The following EDAR variants were observed in gnomAD, a reference collection of about 807,000 sequenced individuals.
EDAR encodes the protein ectodysplasin A receptor, also known as tumor necrosis factor receptor superfamily member EDAR.
Under a neutral mutation model 51.3 loss-of-function variants are expected in EDAR, and 38 were observed. The ratio of observed to expected loss-of-function variants is 0.74; its 90% CI spans 0.57 to 0.97. The LOEUF is 0.97. EDAR is among the 50% of genes least tolerant of loss of function. The pLI is 0.00. For synonymous variants in EDAR, 227 were observed against 242.1 expected, an observed-to-expected ratio of 0.94 and a Z score of 0.58; for missense variants, 528 against 595.0, an observed-to-expected ratio of 0.89 and a Z score of 1.17.
intron 4 of EDAR, among the ~76,000 whole-genome samples, chr2:108,926,791 G>T (rs957124354): frequency 3.9e-5 from 6 of 152,228 alleles, no homozygotes; most frequent in African/African-American, 1.4e-4. Context: ...GCAGGGGCCT[G>T]GGCCCAGGAG....
intron 1 of EDAR, among the ~76,000 whole-genome samples, chr2:108,988,422 C>G (rs931280441): frequency 6.6e-5 from 10 of 152,116 alleles, no homozygotes; most frequent in Non-Finnish European, 1.3e-4. Flanking sequence ...AAATAGGTAC[C>G]CACTCCCCTC....
chr2:108,916,301 G>T (rs1239633123), intron 5 of EDAR, among the ~76,000 whole-genome samples: 1 of 152,184 alleles, frequency 6.6e-6, no homozygotes, highest in African/African-American at 2.4e-5. Flanking sequence ...GCCTCTTCTT[G>T]TCCCTTCCTG....
intron 1 of EDAR, among the ~76,000 whole-genome samples, chr2:108,943,874 TA>T (rs1370182689): frequency 6.6e-6 from 1 of 152,226 alleles, no homozygotes; most frequent in African/African-American, 2.4e-5. Context: ...TCTGAGCCTA[TA>T]ACCTTGCATA....
chr2:108,962,324 G>A (rs1246812062), intron 1 of EDAR, among the ~76,000 whole-genome samples: 2 of 152,166 alleles, frequency 1.3e-5, no homozygotes, highest in African/African-American at 4.8e-5. Flanking sequence ...ATGAAATGGA[G>A]GATTAAAGAG....
At chr2:108,922,127 C>T (rs1259635924) in intron 5 of EDAR, among the ~76,000 whole-genome samples, 1 of 152,348 alleles carries the variant, frequency 6.6e-6, no homozygotes, top group African/African-American at 2.4e-5. Flanking sequence ...GAAGGCTGTG[C>T]CATGTGAGAA....
At position 108,923,281 on chromosome 2, in the gene EDAR, C is replaced by T. The variant is rs954481157; in HGVS notation, c.442+87G>A. 17 of 1,312,488 alleles carry T rather than the reference C, an allele frequency of 1.3e-5. No individual in the cohort carries two copies. In the African/African-American group the frequency reaches 2.2e-4, roughly 17 times the overall value. The allele number at this position is 1,312,488 out of a possible 1,614,324, so 81.3% of individuals were successfully genotyped here. A position where few individuals can be genotyped will look rare whatever the true frequency, so the allele number is the denominator to read the frequency against. ...ACTGTGATTCACCTTGTCCAGGTGC[C>T]AGGACCGGCTCTTTCCTACACCCTC... is the stretch of plus-strand genomic sequence containing the variant. On this transcript the variant is annotated intron_variant, in intron 5 of 11. Coordinates refer to ENST00000258443, the MANE Select transcript of EDAR (RefSeq NM_022336.4).
chr2:108,907,944 G>C lies in EDAR; in HGVS notation c.879C>G (p.Asp293Glu). 1 of 1,613,708 alleles carries C rather than the reference G, an allele frequency of 6.2e-7. No homozygotes were observed. The highest frequency in any genetic ancestry group is 8.5e-7 in the Non-Finnish European group (1 of 1,180,016). ...GGCACAGCTCCGGGGAGCCCTGCTT[G>C]TCAGGGGCGGGCTCCTCATCACTGT... ...SVDSDEEPAP[D>E]KQGSPELCLL... Residue 293 changes from aspartate (D) to glutamate (E), a missense_variant, in exon 10 of 12, where the codon GAC (aspartate) becomes GAG (glutamate). By Grantham distance (45) the Asp-to-Glu change is conservative (BLOSUM62 2). Transcript: ENST00000258443.
chr2:108,972,189 A>G (rs1006556341), intron 1 of EDAR, among the ~76,000 whole-genome samples: 13 of 152,344 alleles, frequency 8.5e-5, no homozygotes, highest in African/African-American at 2.9e-4. Context: ...TACATTTGGG[A>G]GTCATTTATT....
At chr2:108,927,318 G>T (rs190364952) in intron 4 of EDAR, among the ~76,000 whole-genome samples, 1 of 152,200 alleles carries the variant, frequency 6.6e-6, no homozygotes, top group East Asian at 1.9e-4. Context: ...CAAGATTCCA[G>T]CACTGGAAAG....
chr2:108,978,531 A>G (rs1328391047), intron 1 of EDAR, among the ~76,000 whole-genome samples: 1 of 152,260 alleles, frequency 6.6e-6, no homozygotes, highest in Admixed American at 6.5e-5. Context: ...GGGAACATGC[A>G]GATCCTCCCA....
intron 1 of EDAR, among the ~76,000 whole-genome samples, chr2:108,967,281 T>A (rs1271671004): frequency 2.0e-5 from 3 of 152,198 alleles, no homozygotes; most frequent in Non-Finnish European, 4.4e-5. Context: ...AGTTGCAGGT[T>A]CATATTTCAC....
At chr2:108,977,435 A>AT (rs563244795) in intron 1 of EDAR, among the ~76,000 whole-genome samples, 2 of 151,766 alleles carry the variant, frequency 1.3e-5, no homozygotes, top group Non-Finnish European at 2.9e-5. Context: ...TGCCTGGCTA[A>AT]TTTTTTTTGT....
In EDAR at chr2:108,963,413, A is replaced by AC. The variant is rs1420966629; in HGVS notation, c.-19+25546dup. 2.0e-5 allele frequency among the ~76,000 whole-genome samples: 3 copies of AC among 152,316 alleles called. No individual in the cohort carries two copies. In the East Asian group the frequency reaches 5.8e-4, roughly 29 times the overall value. ...AGAAGATTCGAATTGTAAAAACTGC[A>AC]CAAGGACATTTAAAAAAATTGAGCT... On this transcript the variant is annotated intron_variant, in intron 1 of 11. Coordinates refer to ENST00000258443, the MANE Select transcript of EDAR (RefSeq NM_022336.4).
At position 108,895,123 on chromosome 2, in the gene EDAR, C is replaced by G. The variant is rs187935909; in HGVS notation, c.*1784G>C. The stretch of plus-strand genomic sequence containing the variant: ...GGAGTATTTAGCTTGCAGGGTAAAC[C>G]AAATAGGTTCGAAAAACAGCAGCAA... On this transcript the variant is annotated 3_prime_UTR_variant, in exon 12 of 12. Transcript: ENST00000258443. The G allele has an allele frequency of 6.6e-6, 1 of 152,626 alleles. No homozygotes were observed. Among genetic ancestry groups the G allele is most frequent in the African/African-American group, 2.4e-5 (1 of 41,506 alleles). The allele number at this position is 152,626 out of a possible 1,614,324, so 9.5% of individuals were successfully genotyped here. A position where few individuals can be genotyped will look rare whatever the true frequency, so the allele number is the denominator to read the frequency against.
intron 1 of EDAR, among the ~76,000 whole-genome samples, chr2:108,965,577 A>G (rs1031537029): frequency 2.0e-5 from 3 of 151,832 alleles, no homozygotes; most frequent in Non-Finnish European, 2.9e-5. Context: ...CCCCATCAGG[A>G]TTTTCTCCTC....
intron 4 of EDAR, among the ~76,000 whole-genome samples, chr2:108,924,581 C>T (rs1697217054): frequency 6.6e-6 from 1 of 152,206 alleles, no homozygotes; most frequent in Admixed American, 6.5e-5. Flanking sequence ...ATGGAGGCCC[C>T]TGCTGACGGT....
In EDAR at chr2:108,930,262, T is replaced by G. The variant is rs199978942; in HGVS notation, c.52-20A>C. On this transcript the variant is annotated intron_variant, in intron 2 of 11. Coordinates refer to ENST00000258443, the MANE Select transcript of EDAR (RefSeq NM_022336.4). ...AGACACCTGCCAACAAAGGGGGGTG[T>G]TGTGGCCTCCGTACCTCCTTAGAAA... 5 of 1,613,908 alleles carry G rather than the reference T, an allele frequency of 3.1e-6. No homozygotes were observed. The highest frequency in any genetic ancestry group is 4.2e-6 in the Non-Finnish European group (5 of 1,179,982).
intron 1 of EDAR, among the ~76,000 whole-genome samples, chr2:108,955,540 G>A (rs917636768): frequency 1.3e-5 from 2 of 151,940 alleles, no homozygotes; most frequent in African/African-American, 2.4e-5. Context: ...CTGAGGTCAG[G>A]GGTTTGAGAC....
At chr2:108,963,349 C>G (rs1447130466) in intron 1 of EDAR, among the ~76,000 whole-genome samples, 1 of 152,210 alleles carries the variant, frequency 6.6e-6, no homozygotes, top group African/African-American at 2.4e-5. Flanking sequence ...CCTTCAAAAT[C>G]TGTTTCTAGG....
Sources: gnomAD v4.1 joint callset for allele counts (sites outside exome capture counted in the v4.1 genomes callset) on GRCh38, gnomAD v4.1.1 for gene constraint, MANE v1.5 for transcripts, NCBI Gene and HGNC (gene_info 2026-07-23, HGNC 2026-07-21) for gene names.